The following PTPRN2 variants were observed in gnomAD, a reference collection of about 807,000 sequenced individuals.
The protein encoded by PTPRN2 is receptor-type tyrosine-protein phosphatase N2.
PTPRN2 carries 74 observed loss-of-function variants against 118.8 expected under a neutral mutation model. The observed-to-expected ratio is 0.62, with a 90% CI of 0.52 to 0.76. The LOEUF (loss-of-function observed/expected upper bound fraction) is 0.76. PTPRN2 is among the 30% of genes least tolerant of loss of function. The pLI is 0.00. For missense variants in PTPRN2, 1,481 were observed against 1,394.4 expected (o/e 1.06, Z -0.99); for synonymous variants, 641 against 608.0 (o/e 1.05, Z -0.80).
At position 158,338,053 on chromosome 7, in the gene PTPRN2, G is replaced by C. The variant is rs372803332; in HGVS notation, c.164-21121C>G. On this transcript the variant is annotated intron_variant, in intron 2 of 22. Transcript: ENST00000389418. ...CACACCCACACTCTCACCATAAGAGGTGACACCTGCAGACGTCACACCCAC... is the reference window on the plus strand; with the variant it reads ...CACACCCACACTCTCACCATAAGAGCTGACACCTGCAGACGTCACACCCAC... Among the ~76,000 whole-genome samples the C allele has an allele frequency of 2.4e-3, 18 of 7,456 alleles. 1 individual carries two copies. Among genetic ancestry groups the C allele is most frequent in the Non-Finnish European group, 3.8e-3 (11 of 2,908 alleles). The allele number at this position is 7,456 out of a possible 152,430, so 4.9% of individuals were successfully genotyped here.
chr7:158,485,729 C>T (rs1018742560), intron 2 of PTPRN2, among the ~76,000 whole-genome samples: 2 of 152,174 alleles, frequency 1.3e-5, no homozygotes, highest in East Asian at 3.9e-4. Flanking sequence ...GTCCTTTTAG[C>T]AGGAACATGC....
chr7:157,912,596 T>C (rs534790435), intron 11 of PTPRN2, among the ~76,000 whole-genome samples: 3 of 152,374 alleles, frequency 2.0e-5, no homozygotes, highest in African/African-American at 7.2e-5. Flanking sequence ...AAGATATCTA[T>C]ATAAAGATAC....
At chr7:158,145,658 C>G (rs922261211) in intron 6 of PTPRN2, among the ~76,000 whole-genome samples, 1 of 152,236 alleles carries the variant, frequency 6.6e-6, no homozygotes, top group African/African-American at 2.4e-5. Flanking sequence ...CCAACAGGGG[C>G]TCCCCTGCCG....
chr7:157,887,842 C>G (rs1796574493), intron 12 of PTPRN2, among the ~76,000 whole-genome samples: 1 of 138,182 alleles, frequency 7.2e-6, no homozygotes, highest in African/African-American at 2.8e-5. Context: ...ACCCGCTTCC[C>G]CAATACCTGC....
chr7:158,441,279 ATGGTGG>A (rs1166064552), intron 2 of PTPRN2, among the ~76,000 whole-genome samples: 49 of 70,198 alleles, frequency 7.0e-4, no homozygotes, highest in African/African-American at 1.7e-3. Context: ...AGTGATGGTG[ATGGTGG>A]TGGTGGTGAT....
rs1161645636 is a variant in PTPRN2 at position 157,550,173 on chromosome 7, C to T, written c.2903-1154G>A. On this transcript the variant is annotated intron_variant, in intron 21 of 22. Transcript: ENST00000389418. The surrounding 1 kb of genome is among the most constrained non-coding windows in gnomAD (Gnocchi z 5.2). The stretch of plus-strand genomic sequence containing the variant: ...ATCAGGAGAGAAGCTTTAAAATTCC[C>T]GAGGTTCCTCAATTTCCTTTCCCTG... Among the ~76,000 whole-genome samples, 2 of 152,182 alleles carry T rather than the reference C, an allele frequency of 1.3e-5. No homozygotes were observed. The highest frequency in any genetic ancestry group is 2.4e-5 in the African/African-American group (1 of 41,440).
At chr7:157,927,188 G>A (rs6954745) in intron 11 of PTPRN2, among the ~76,000 whole-genome samples, 671 of 56,062 alleles carry the variant, frequency 0.012, 71 homozygotes, top group East Asian at 0.065. Context: ...GAGGCCTCGC[G>A]TCTTCTGGGA....
Position 157,568,699 on chromosome 7 carries a change from A to G in PTPRN2, c.2902+203T>C, listed in dbSNP as rs377740462. Among the ~76,000 whole-genome samples, 36 of 151,824 alleles carry G rather than the reference A, an allele frequency of 2.4e-4. No homozygotes were observed. The East Asian group carries it at 6.3e-3, about 27-fold the overall frequency. On this transcript the variant is annotated intron_variant, in intron 21 of 22. Coordinates refer to ENST00000389418, the MANE Select transcript of PTPRN2 (RefSeq NM_002847.5). ...AGGCAGGTAACAAAGGACCCACTGC[A>G]GGCTCGGCACGCAGAGGCAGGTAAC...
At chr7:158,345,861 C>T (rs750582146) in intron 2 of PTPRN2, among the ~76,000 whole-genome samples, 7 of 151,872 alleles carry the variant, frequency 4.6e-5, no homozygotes, top group South Asian at 2.1e-4. Context: ...CTTCCTGAGG[C>T]GGCAGAAGGA....
intron 12 of PTPRN2, among the ~76,000 whole-genome samples, chr7:157,876,550 A>G (rs1305260478): frequency 6.6e-6 from 1 of 152,210 alleles, no homozygotes; most frequent in Non-Finnish European, 1.5e-5. Flanking sequence ...ACGGCCCTAG[A>G]AGACGTTTCT....
intron 6 of PTPRN2, among the ~76,000 whole-genome samples, chr7:158,164,617 C>T (rs1444782092): frequency 6.6e-6 from 1 of 152,172 alleles, no homozygotes; most frequent in African/African-American, 2.4e-5. Context: ...TCACCCGGCT[C>T]TCCAGCTGGG....
chr7:157,836,819 TC>T (rs1807965301), intron 12 of PTPRN2, among the ~76,000 whole-genome samples: 1 of 152,212 alleles, frequency 6.6e-6, no homozygotes, highest in African/African-American at 2.4e-5. Flanking sequence ...CCAAATTGTG[TC>T]ACCAAATCTA....
chr7:158,445,994 G>A (rs1045006402), intron 2 of PTPRN2, among the ~76,000 whole-genome samples: 4 of 152,296 alleles, frequency 2.6e-5, no homozygotes, highest in South Asian at 2.1e-4. Context: ...AAACCCGGGC[G>A]CCCAGGTGAG....
rs1320847936 is a variant in PTPRN2 at position 158,081,298 on chromosome 7, C to G, written c.1723G>C (p.Val575Leu). The G allele has an allele frequency of 6.2e-7, 1 of 1,613,592 alleles. No individual in the cohort carries two copies. The highest frequency in any genetic ancestry group is 8.5e-7 in the Non-Finnish European group (1 of 1,179,552). Residue 575 changes from valine (V) to leucine (L), a missense_variant and splice_region_variant, in exon 11 of 23, where the codon GTT becomes CTT. Transcript: ENST00000389418. ...VTTEDVEKAT[V>L]DNKDKLEETS... ...TACGTGTGTGTGGAAACAGCCTCAC[C>G]TGTGGCCTTCTCCACATCCTCAGTG...
chr7:157,898,739 T>A lies in PTPRN2; in HGVS notation c.1724-2A>T, dbSNP rs1193424903. On this transcript the variant is annotated splice_acceptor_variant, in intron 11 of 22. Coordinates refer to ENST00000389418, the MANE Select transcript of PTPRN2 (RefSeq NM_002847.5). LOFTEE classifies it high-confidence loss of function. ...CCTCCAGTTTGTCTTTGTTGTCAAC[T>A]GTTAGGAAAAATCAGAAAGCACAAG... 3.7e-6 allele frequency: 6 copies of A among 1,600,854 alleles called. No individual in the cohort carries two copies. The highest frequency in any genetic ancestry group is 5.1e-6 in the Non-Finnish European group (6 of 1,167,924).
At chr7:158,264,082 A>G (rs545887166) in intron 3 of PTPRN2, among the ~76,000 whole-genome samples, 63 of 152,316 alleles carry the variant, frequency 4.1e-4, no homozygotes, top group African/African-American at 1.1e-3. Context: ...GTTATTATTT[A>G]GAAGGAGGTC....
chr7:157,838,439 C>T (rs1336269604), intron 12 of PTPRN2, among the ~76,000 whole-genome samples: 254 of 113,106 alleles, frequency 2.2e-3, no homozygotes, highest in Non-Finnish European at 3.9e-3. Flanking sequence ...TCCTCTCCAC[C>T]GTGGCTACTC....
At chr7:157,613,628 C>G (rs1162404153) in intron 15 of PTPRN2, among the ~76,000 whole-genome samples, 1 of 152,206 alleles carries the variant, frequency 6.6e-6, no homozygotes, top group African/African-American at 2.4e-5. Flanking sequence ...CGTTCCTTCC[C>G]CGGTTCTCCA....
chr7:158,263,728 T>A (rs1797690108), intron 3 of PTPRN2, among the ~76,000 whole-genome samples: 1 of 152,184 alleles, frequency 6.6e-6, no homozygotes, highest in Non-Finnish European at 1.5e-5. Flanking sequence ...CAACGGCCCT[T>A]TTCCCACCAG....
Sources: allele counts gnomAD v4.1 joint callset (sites outside exome capture counted in the v4.1 genomes callset), GRCh38; gene constraint gnomAD v4.1.1; non-coding constraint Gnocchi (gnomAD v3.1); transcripts MANE v1.5; gene names NCBI Gene and HGNC (gene_info 2026-07-23, HGNC 2026-07-21).